The following CES5A variants were observed in gnomAD, a reference collection of about 807,000 sequenced individuals.
The protein encoded by CES5A is carboxylesterase 5.
A neutral mutation model predicts 62.9 loss-of-function variants in CES5A; 67 were observed. The ratio of observed to expected loss-of-function variants is 1.07; its 90% confidence interval spans 0.88 to 1.31. CES5A has a LOEUF of 1.31. CES5A is among the 50% of genes most tolerant of loss of function. The pLI, the probability that CES5A is intolerant of heterozygous loss-of-function variation, is 0.00. For missense variants in CES5A, 748 were observed against 708.5 expected, an observed-to-expected ratio of 1.06 and a Z score of -0.63; for synonymous variants, 296 against 280.8, an observed-to-expected ratio of 1.05 and a Z score of -0.54.
chr16:55,847,672 C>T (rs1193362743), intron 11 of CES5A, among the ~76,000 whole-genome samples: 1 of 152,094 alleles, frequency 6.6e-6, no homozygotes, highest in Non-Finnish European at 1.5e-5. Context: ...AAATTGATCT[C>T]ATATATAGGA....
intron 11 of CES5A, among the ~76,000 whole-genome samples, chr16:55,849,358 A>AT (rs1330071036): frequency 2.0e-5 from 3 of 151,510 alleles, no homozygotes; most frequent in African/African-American, 7.3e-5. Context: ...ATTAAAAAAA[A>AT]AAATATTTAG....
At chr16:55,933,789 C>T (rs1400601295) in intron 2 of CES5A, among the ~76,000 whole-genome samples, 1 of 152,174 alleles carries the variant, frequency 6.6e-6, no homozygotes, top group Non-Finnish European at 1.5e-5. Context: ...CAGAGTGATT[C>T]TGTTATAATG....
At chr16:55,891,834 T>A (rs1482381805) in intron 1 of CES5A, among the ~76,000 whole-genome samples, 1 of 152,174 alleles carries the variant, frequency 6.6e-6, no homozygotes. Flanking sequence ...ATATCATGAC[T>A]TCCTTTCTAA....
At position 55,873,881 on chromosome 16, in the gene CES5A, G is replaced by A; in HGVS notation, c.230C>T (p.Pro77Leu). The change falls in exon 2 of 13, where the codon CCT becomes CTT. Residue 77 changes from proline (P) to leucine (L), a missense_variant. Pro to Leu is a moderately conservative substitution (Grantham distance 98). Transcript: ENST00000290567. ...TCGCAAGTTATCCCAGGGCGATGCA[G>A]GCTGCGGGTTCGTAAATCGCAGGGA... is the stretch of plus-strand genomic sequence containing the variant. ...LGSLRFTNPQ[P>L]ASPWDNLREA... 1 of 1,613,780 alleles carries A rather than the reference G, an allele frequency of 6.2e-7. No homozygotes were observed. Among genetic ancestry groups the A allele is most frequent in the South Asian group, 1.1e-5 (1 of 90,880 alleles).
rs772972697 is a variant in CES5A, at chr16:55,859,584, C to T, written c.1019G>A (p.Gly340Glu). 10 of 1,613,608 alleles carry T rather than the reference C, an allele frequency of 6.2e-6. No homozygotes were observed. Among genetic ancestry groups the T allele is most frequent in the Non-Finnish European group, 8.5e-6 (10 of 1,179,868 alleles). ...GAAGCCACACTCGTGGTTATTGACT[C>T]CGATGATGGAAGGAATTGCTTTAAA... ...KAFKAIPSII[G>E]VNNHECGFLL... Residue 340 changes from glycine (G) to glutamate (E), a missense_variant, in exon 8 of 13, where the codon GGA (glycine) becomes GAA (glutamate). Physicochemically the swap from Gly to Glu is moderately conservative, Grantham distance 98. Coordinates refer to ENST00000290567, the MANE Select transcript of CES5A (RefSeq NM_001143685.2).
chr16:55,910,093 A>C (rs1395574583), intron 1 of CES5A, among the ~76,000 whole-genome samples: 1 of 152,116 alleles, frequency 6.6e-6, no homozygotes, highest in Non-Finnish European at 1.5e-5. Flanking sequence ...ATGTGTGAGA[A>C]GGGACACCTG....
At chr16:55,945,448 G>A (rs1338151464) in intron 2 of CES5A, among the ~76,000 whole-genome samples, 1 of 152,250 alleles carries the variant, frequency 6.6e-6, no homozygotes, top group Non-Finnish European at 1.5e-5. Context: ...CAAGGGACCA[G>A]CAGACCTGCA....
chr16:55,869,730 G>T lies in CES5A; in HGVS notation c.432C>A (p.Phe144Leu). The change falls in exon 4 of 13, where the codon TTC becomes TTA. Residue 144 changes from phenylalanine (F) to leucine (L), a missense_variant. Coordinates refer to ENST00000290567, the MANE Select transcript of CES5A (RefSeq NM_001143685.2). Reference protein sequence around the residue: ...TGSKLPVLVWFPGGAFKTGSA... With the variant: ...TGSKLPVLVWLPGGAFKTGSA... Reference sequence around the variant, plus strand: ...AGCCAGTCTTGAAGGCACCTCCTGGGAACCACACCAAGACCTGAGGAGGGG... The same window carrying T: ...AGCCAGTCTTGAAGGCACCTCCTGGTAACCACACCAAGACCTGAGGAGGGG... 6.2e-7 allele frequency: 1 copy of T among 1,604,194 alleles called. No individual in the cohort carries two copies. Among genetic ancestry groups the T allele is most frequent in the Non-Finnish European group, 8.5e-7 (1 of 1,174,140 alleles).
rs528638273 is a variant in CES5A, at chr16:55,923,070, CTT to C, written c.-256+2251_-256+2252del. On this transcript the variant is annotated intron_variant, in intron 1 of 12. Coordinates refer to the CES5A transcript ENST00000518005. ...AGAGAGGAGTTTATAGCAGTAAACA[CTT>C]ATATTTAAAAAGTAGAAAGACTTTA... Among the ~76,000 whole-genome samples, 586 of 151,244 alleles carry C rather than the reference CTT, an allele frequency of 3.9e-3. 1 individual carries two copies. The highest frequency in any genetic ancestry group is 6.2e-3 in the Non-Finnish European group (418 of 67,590).
upstream of CES5A, chr16:55,925,493 C>A (rs2034249536): frequency 6.6e-6 from 1 of 152,052 alleles, no homozygotes. Context: ...CCATATGATT[C>A]AGCAATTCAA....
At chr16:55,877,279 A>C (rs2033708611), upstream of CES5A, among the ~76,000 whole-genome samples, 2 of 152,174 alleles carry the variant, frequency 1.3e-5, no homozygotes, top group Admixed American at 6.5e-5. Context: ...ATGCTATCTA[A>C]AGAAACTGTT....
intron 1 of CES5A, among the ~76,000 whole-genome samples, chr16:55,882,215 T>C (rs1192389915): frequency 6.6e-6 from 1 of 152,150 alleles, no homozygotes; most frequent in Non-Finnish European, 1.5e-5. Context: ...AATATATAAC[T>C]ATAAACATAC....
intron 1 of CES5A, among the ~76,000 whole-genome samples, chr16:55,892,274 T>C (rs551779252): frequency 3.3e-5 from 5 of 152,290 alleles, no homozygotes; most frequent in Admixed American, 2.0e-4. Context: ...CCACCATCCC[T>C]GCTTCAAATT....
chr16:55,884,919 G>A (rs1488034972), intron 1 of CES5A, among the ~76,000 whole-genome samples: 9 of 152,066 alleles, frequency 5.9e-5, no homozygotes, highest in East Asian at 5.8e-4. Context: ...AGTGATACTC[G>A]TGCTCCTTTC....
intron 1 of CES5A, among the ~76,000 whole-genome samples, chr16:55,894,390 C>A (rs914269057): frequency 1.3e-5 from 2 of 151,220 alleles, no homozygotes; most frequent in East Asian, 3.9e-4. Context: ...TGCCTGTAGT[C>A]CCAGCTACTT....
In CES5A at chr16:55,861,409, C is replaced by T. The variant is rs1413585925; in HGVS notation, c.915+3G>A. The T allele has an allele frequency of 5.7e-5, 92 of 1,602,230 alleles. No individual in the cohort carries two copies. The highest frequency in any genetic ancestry group is 7.6e-5 in the Non-Finnish European group (89 of 1,169,452). On this transcript the variant is annotated splice_donor_region_variant and intron_variant, in intron 7 of 12. Transcript: ENST00000290567. ...CCCCCAAAACTGCCCCCTCTGTCCTCACCTGGCTGAGGGTCAGCAGCTCCT... is the reference window on the plus strand; with the variant it reads ...CCCCCAAAACTGCCCCCTCTGTCCTTACCTGGCTGAGGGTCAGCAGCTCCT...
intron 2 of CES5A, among the ~76,000 whole-genome samples, chr16:55,931,846 C>G (rs2034315772): frequency 6.6e-6 from 1 of 152,182 alleles, no homozygotes; most frequent in Non-Finnish European, 1.5e-5. Context: ...GATGCTGAAT[C>G]ATGTGATGCT....
chr16:55,895,611 C>T (rs1264119541), intron 1 of CES5A, among the ~76,000 whole-genome samples: 3 of 152,044 alleles, frequency 2.0e-5, no homozygotes, highest in African/African-American at 7.3e-5. Context: ...AGCAAATAAC[C>T]TGTTGCTTTT....
upstream of CES5A, among the ~76,000 whole-genome samples, chr16:55,877,184 T>G (rs559952862): frequency 6.6e-6 from 1 of 152,140 alleles, no homozygotes; most frequent in East Asian, 1.9e-4. Flanking sequence ...ATCCCATAAC[T>G]CACACAGCCA....
Sources: allele counts gnomAD v4.1 joint callset (sites outside exome capture counted in the v4.1 genomes callset), GRCh38; gene constraint gnomAD v4.1.1; transcripts MANE v1.5; gene names NCBI Gene and HGNC (gene_info 2026-07-23, HGNC 2026-07-21).